DMXL1: variants seen among roughly 807,000 people sequenced by gnomAD.
The protein encoded by DMXL1 is dmX-like protein 1.
DMXL1 carries 99 observed loss-of-function variants against 319.2 expected under a neutral mutation model. The observed-to-expected ratio is 0.31, with a 90% CI of 0.26 to 0.37. The LOEUF is 0.37. Among genes scored for constraint, DMXL1 ranks in the 10% least tolerant of loss-of-function variants. The probability of loss-of-function intolerance (pLI) is 1.00; values close to 1 mark genes in which losing one functional copy is unlikely to be tolerated. For missense variants in DMXL1, 3,745 were observed against 3,595.6 expected (o/e 1.04, Z -1.06); for synonymous variants, 1,385 against 1,235.2 (o/e 1.12, Z -2.54).
chr5:119,171,129 G>T lies in DMXL1; in HGVS notation c.6338G>T (p.Arg2113Ile), dbSNP rs775131101. ...CACCAAACAAAAGTGAAACAACTGAGAGAAAATTTTCAGGAAAAAAGACAG... is the reference window on the plus strand; with the variant it reads ...CACCAAACAAAAGTGAAACAACTGATAGAAAATTTTCAGGAAAAAAGACAG... ...LPHQTKVKQLRENFQEKRQWL... is the reference protein window; with the variant it reads ...LPHQTKVKQLIENFQEKRQWL... Residue 2113 changes from arginine to isoleucine, a missense_variant, in exon 24 of 44, where the codon AGA (arginine) becomes ATA (isoleucine). Arg to Ile is a moderately conservative substitution (Grantham distance 97). Around this residue, in one of 4 missense-constraint regions of DMXL1, gnomAD observed 1,382 missense variants for 1,269.5 expected, o/e 1.09. Transcript: ENST00000539542. 1.2e-6 allele frequency: 2 copies of T among 1,613,902 alleles called. No individual in the cohort carries two copies. Among genetic ancestry groups the T allele is most frequent in the South Asian group, 2.2e-5 (2 of 91,064 alleles).
intron 13 of DMXL1, among the ~76,000 whole-genome samples, chr5:119,141,871 A>G (rs1767432966): frequency 6.6e-6 from 1 of 152,188 alleles, no homozygotes; most frequent in African/African-American, 2.4e-5. Context: ...ACTATACTGC[A>G]GGGATACAGT....
At chr5:119,090,596 C>A (rs548306630) in intron 1 of DMXL1, among the ~76,000 whole-genome samples, 53 of 136,430 alleles carry the variant, frequency 3.9e-4, no homozygotes, top group Non-Finnish European at 7.1e-4. Context: ...GAGTTTCACT[C>A]TTTTTGCCCA....
Position 119,149,311 on chromosome 5 carries a change from C to T in DMXL1, c.3484C>T (p.Leu1162Phe), listed in dbSNP as rs1339009961. The T allele has an allele frequency of 6.2e-7, 1 of 1,613,780 alleles. No individual in the cohort carries two copies. The highest frequency in any genetic ancestry group is 8.5e-7 in the Non-Finnish European group (1 of 1,179,904). ...CCTGACTGTAGGAATTGGATCAAAA[C>T]TTTTTATGTATGGACCCCTGGCTGG... ...HILTVGIGSK[L>F]FMYGPLAGKV... Residue 1162 changes from leucine to phenylalanine, a missense_variant, in exon 18 of 44, where the codon CTT becomes TTT. Physicochemically the swap from Leu to Phe is conservative, Grantham distance 22. Coordinates refer to ENST00000539542, the MANE Select transcript of DMXL1 (RefSeq NM_001290321.3).
intron 38 of DMXL1, among the ~76,000 whole-genome samples, chr5:119,226,348 T>A (rs1047291262): frequency 6.6e-6 from 1 of 152,206 alleles, no homozygotes; most frequent in African/African-American, 2.4e-5. Flanking sequence ...GAAAATGTTA[T>A]GAGACAGGAT....
At chr5:119,155,453 G>A (rs1202612399) in intron 19 of DMXL1, among the ~76,000 whole-genome samples, 2 of 152,164 alleles carry the variant, frequency 1.3e-5, no homozygotes, top group Admixed American at 6.5e-5. Flanking sequence ...CTTCAGTAGA[G>A]GAAGTAATTG....
At chr5:119,132,899 G>T in intron 10 of DMXL1, 1 of 591,332 alleles carries the variant, frequency 1.7e-6, no homozygotes, top group Non-Finnish European at 3.0e-6. Flanking sequence ...CTCAAAGTAT[G>T]CTCTGGAGCA....
At chr5:119,098,917 G>A (rs1174809323) in intron 2 of DMXL1, among the ~76,000 whole-genome samples, 1 of 152,150 alleles carries the variant, frequency 6.6e-6, no homozygotes, top group Non-Finnish European at 1.5e-5. Flanking sequence ...CCAATCATTT[G>A]TTTTTAAATC....
intron 23 of DMXL1, 132 bp downstream of exon 23, chr5:119,167,996 G>A (rs1773777466): frequency 1.2e-6 from 1 of 823,032 alleles, no homozygotes; most frequent in Non-Finnish European, 1.7e-6. Context: ...GTTTTTGGTT[G>A]GTTGTTTGGT....
intron 25 of DMXL1, among the ~76,000 whole-genome samples, chr5:119,174,843 ATG>A (rs1775476922): frequency 2.0e-5 from 3 of 152,292 alleles, no homozygotes; most frequent in Non-Finnish European, 4.4e-5. Context: ...TAACTAGAAT[ATG>A]TGGTAGCATA....
chr5:119,148,955 C>G lies in DMXL1; in HGVS notation c.3128C>G (p.Pro1043Arg), dbSNP rs762474139. ...CAGAGCAATAGTAGTATAACTGTAC[C>G]TGGTAGGCCTGTAGAAGTTAGCTGT... Reference protein sequence around the residue: ...GLQSNSSITVPGRPVEVSCAH... With the variant: ...GLQSNSSITVRGRPVEVSCAH... Residue 1043 changes from proline (P) to arginine (R), a missense_variant, in exon 18 of 44, where the codon CCT (proline) becomes CGT (arginine). Pro to Arg is a moderately radical substitution (Grantham distance 103, BLOSUM62 -2). Around this residue, in one of 4 missense-constraint regions of DMXL1, gnomAD observed 2,096 missense variants for 1,985.4 expected, o/e 1.06. Coordinates refer to ENST00000539542, the MANE Select transcript of DMXL1 (RefSeq NM_001290321.3). 1 of 1,613,878 alleles carries G rather than the reference C, an allele frequency of 6.2e-7. No homozygotes were observed. The highest frequency in any genetic ancestry group is 1.1e-5 in the South Asian group (1 of 91,080).
chr5:119,098,320 A>G (rs75065856), intron 2 of DMXL1, among the ~76,000 whole-genome samples: 154 of 152,350 alleles, frequency 1.0e-3, no homozygotes, highest in African/African-American at 3.3e-3. Flanking sequence ...TCTCTGAGAA[A>G]GAAATACAAT....
At chr5:119,212,897 T>C (rs1783048821) in intron 34 of DMXL1, among the ~76,000 whole-genome samples, 1 of 152,146 alleles carries the variant, frequency 6.6e-6, no homozygotes, top group African/African-American at 2.4e-5. Flanking sequence ...TCATGATCCA[T>C]CATGGAATCA....
intron 36 of DMXL1, 50 bp downstream of exon 36, chr5:119,220,643 A>C: frequency 6.3e-7 from 1 of 1,588,200 alleles, no homozygotes. Context: ...ATGAGTGACT[A>C]TATTTACTGA....
At position 119,071,327 on chromosome 5, in the gene DMXL1, A is replaced by T; in HGVS notation, c.-243A>T. The T allele has an allele frequency of 3.9e-6, 2 of 510,054 alleles. No individual in the cohort carries two copies. Among genetic ancestry groups the T allele is most frequent in the Non-Finnish European group, 6.9e-6 (2 of 288,810 alleles). 31.6% of individuals were successfully genotyped at this position (510,054 alleles called of 1,614,324 possible). ...CACCTGGGCTAGCGCGGGGAGTGAC[A>T]GGTGCGCGAAGGAGCGCGGCGCTCC... On this transcript the variant is annotated 5_prime_UTR_variant, in exon 1 of 44. Coordinates refer to ENST00000539542, the MANE Select transcript of DMXL1 (RefSeq NM_001290321.3).
chr5:119,115,514 T>C (rs183122732), intron 6 of DMXL1, among the ~76,000 whole-genome samples: 20 of 152,334 alleles, frequency 1.3e-4, no homozygotes, highest in African/African-American at 4.8e-4. Context: ...TGTAAGTTAC[T>C]CTAAAACCAC....
chr5:119,214,554 A>G (rs1354890607), intron 34 of DMXL1, among the ~76,000 whole-genome samples: 1 of 152,124 alleles, frequency 6.6e-6, no homozygotes, highest in African/African-American at 2.4e-5. Context: ...CTCCAATCTT[A>G]TCTTCTGCCA....
chr5:119,173,910 C>T lies in DMXL1; in HGVS notation c.6682-1351C>T, dbSNP rs76303452. On this transcript the variant is annotated intron_variant, in intron 25 of 43. Transcript: ENST00000539542. The stretch of plus-strand genomic sequence containing the variant: ...CCCAGGAGAGCTGATGGTGTAGTTC[C>T]GGTCCAAATCAGAAGGCCTGAGAAC... Among the ~76,000 whole-genome samples the T allele has an allele frequency of 2.2e-3, 322 of 149,298 alleles. 2 individuals carry two copies. The highest frequency in any genetic ancestry group is 7.5e-3 in the African/African-American group (304 of 40,540).
chr5:119,206,045 C>G (rs1425029314), intron 33 of DMXL1, among the ~76,000 whole-genome samples: 1 of 151,996 alleles, frequency 6.6e-6, no homozygotes. Context: ...ACCCTAAAAT[C>G]CTGGTTTTCT....
Position 119,136,698 on chromosome 5 carries a change from C to T in DMXL1, c.2376+2309C>T, listed in dbSNP as rs534689649. Among the ~76,000 whole-genome samples the T allele has an allele frequency of 5.7e-3, 866 of 152,356 alleles. 9 individuals are homozygous for T. The highest frequency in any genetic ancestry group is 0.02 in the African/African-American group (819 of 41,582). The stretch of plus-strand genomic sequence containing the variant: ...GCTAAAAGGGGCCGTGGTACAGCTG[C>T]GGCTGTTGCTTCAGAGAGTGCAAGC... On this transcript the variant is annotated intron_variant, in intron 13 of 43. Transcript: ENST00000539542.
Sources: gnomAD v4.1 joint callset for allele counts (sites outside exome capture counted in the v4.1 genomes callset) on GRCh38, gnomAD v4.1.1 for gene constraint, gnomAD v4.1.1 regional missense constraint, MANE v1.5 for transcripts, NCBI Gene and HGNC (gene_info 2026-07-23, HGNC 2026-07-21) for gene names.